The following SLC25A23 variants were observed in gnomAD, a reference collection of about 807,000 sequenced individuals.
SLC25A23 encodes the protein solute carrier family 25 member 23.
A neutral mutation model predicts 53.9 loss-of-function variants in SLC25A23; 32 were observed. The ratio of observed to expected loss-of-function variants is 0.59; its 90% CI spans 0.45 to 0.80. The LOEUF (loss-of-function observed/expected upper bound fraction) is 0.80. Ranked by LOEUF, SLC25A23 falls within the 30% of genes least tolerant of loss-of-function variation. The pLI is 0.00. For synonymous variants in SLC25A23, 275 were observed against 264.5 expected, an observed-to-expected ratio of 1.04 and a Z score of -0.38; for missense variants, 575 against 651.4, an observed-to-expected ratio of 0.88 and a Z score of 1.28.
intron 8 of SLC25A23, among the ~76,000 whole-genome samples, chr19:6,451,787 G>C (rs555369685): frequency 6.6e-6 from 1 of 151,728 alleles, no homozygotes; most frequent in African/African-American, 2.4e-5. Flanking sequence ...TCTGATACTT[G>C]CTTCGGGGAA....
Position 6,456,358 on chromosome 19 carries a change from A to G in SLC25A23, c.483+62T>C, listed in dbSNP as rs531744730. ...CCCATCCAAGCCCTGGGGAGATCGG[A>G]GCAAGGCCCCCCTGGGGAAGAGGGC... is the stretch of plus-strand genomic sequence containing the variant. On this transcript the variant is annotated intron_variant, in intron 4 of 9. Coordinates refer to ENST00000301454, the MANE Select transcript of SLC25A23 (RefSeq NM_024103.3). The G allele has an allele frequency of 1.6e-4, 237 of 1,525,026 alleles. 1 individual carries two copies. In the African/African-American group the frequency reaches 2.9e-3, roughly 19 times the overall value. 94.5% of individuals were successfully genotyped at this position (1,525,026 alleles called of 1,614,324 possible). A position where few individuals can be genotyped will look rare whatever the true frequency, so the allele number is the denominator to read the frequency against.
intron 9 of SLC25A23, chr19:6,443,728 G>A: frequency 1.5e-6 from 1 of 668,476 alleles, no homozygotes; most frequent in Admixed American, 2.3e-5. Context: ...CAGGGAGAAT[G>A]GGAGGGTAGT....
In SLC25A23 at chr19:6,444,146, C is replaced by T; in HGVS notation, c.1222+5G>A. The T allele has an allele frequency of 6.4e-7, 1 of 1,569,546 alleles. No homozygotes were observed. Among genetic ancestry groups the T allele is most frequent in the Non-Finnish European group, 8.7e-7 (1 of 1,153,830 alleles). ...CCCTGCCCCATCCTCCCGCCCAGGC[C>T]TCACCTTGTGCCTGCATGCGGGTCC... On this transcript the variant is annotated splice_donor_5th_base_variant and intron_variant, in intron 9 of 9. Coordinates refer to ENST00000301454, the MANE Select transcript of SLC25A23 (RefSeq NM_024103.3).
rs2092641091 is a variant in SLC25A23, at chr19:6,454,287, T to C, written c.795+36A>G. ...TCTTTATGTACAGCCCAGTCTTCCCTATGGCAAGCACATTCCTCCCTGTAC... is the reference window on the plus strand; with the variant it reads ...TCTTTATGTACAGCCCAGTCTTCCCCATGGCAAGCACATTCCTCCCTGTAC... On this transcript the variant is annotated intron_variant, in intron 6 of 9. Coordinates refer to ENST00000301454, the MANE Select transcript of SLC25A23 (RefSeq NM_024103.3). The surrounding 1 kb of genome is among the most constrained non-coding windows in gnomAD (Gnocchi z 4.3). 3.8e-6 allele frequency: 6 copies of C among 1,598,504 alleles called. No homozygotes were observed. The South Asian group carries it at 6.7e-5, about 18-fold the overall frequency.
chr19:6,455,721 T>G (rs1382272234), intron 4 of SLC25A23, among the ~76,000 whole-genome samples: 2 of 39,234 alleles, frequency 5.1e-5, no homozygotes, highest in African/African-American at 1.3e-4. Flanking sequence ...TTTTTTTTTT[T>G]TTTTTTTTTT....
At chr19:6,452,981 C>A (rs1298375348) in intron 7 of SLC25A23, among the ~76,000 whole-genome samples, 1 of 152,086 alleles carries the variant, frequency 6.6e-6, no homozygotes, top group Non-Finnish European at 1.5e-5. Flanking sequence ...TATGTCCTAG[C>A]CAAAGAAATA....
rs753939864 is a variant in SLC25A23 at position 6,454,512 on chromosome 19, A to G, written c.643-37T>C. The G allele has an allele frequency of 8.7e-6, 14 of 1,613,348 alleles. No individual in the cohort carries two copies. Among genetic ancestry groups the G allele is most frequent in the Non-Finnish European group, 4.2e-6 (5 of 1,179,722 alleles). ...GACAACAGCTTGGAGGTCCCCTCCCAGGTGTCAGGCCTGGGGGAGGGGGCA... is the reference window on the plus strand; with the variant it reads ...GACAACAGCTTGGAGGTCCCCTCCCGGGTGTCAGGCCTGGGGGAGGGGGCA... On this transcript the variant is annotated intron_variant, in intron 5 of 9. Transcript: ENST00000301454. The surrounding 1 kb of genome is among the most constrained non-coding windows in gnomAD (Gnocchi z 4.3).
intron 4 of SLC25A23, chr19:6,456,074 A>G (rs2092678575): frequency 7.4e-7 from 1 of 1,357,042 alleles, no homozygotes; most frequent in Non-Finnish European, 9.7e-7. Context: ...ATCCAGGCAG[A>G]GAACCCAGCA....
chr19:6,449,942 C>G (rs545439248), intron 8 of SLC25A23, among the ~76,000 whole-genome samples: 12 of 150,076 alleles, frequency 8.0e-5, no homozygotes, highest in Non-Finnish European at 1.5e-5. Context: ...AACCCCCATG[C>G]CCCGCCCTGG....
At chr19:6,437,910 CA>C (rs1222700150), downstream of SLC25A23, among the ~76,000 whole-genome samples, 2,765 of 118,260 alleles carry the variant, frequency 0.023, 41 homozygotes, top group South Asian at 0.041. Context: ...ACTAAAAATA[CA>C]AAAAAAAAAA....
intron 7 of SLC25A23, chr19:6,452,684 A>G (rs1357880886): frequency 7.5e-6 from 4 of 530,522 alleles, no homozygotes; most frequent in Non-Finnish European, 1.3e-5. Flanking sequence ...CACATGTGGC[A>G]CCACCAGTAA....
At chr19:6,456,703 G>A (rs1250603200) in intron 3 of SLC25A23, among the ~76,000 whole-genome samples, 172 bp from the exon 4 acceptor site, 3 of 151,580 alleles carry the variant, frequency 2.0e-5, no homozygotes, top group East Asian at 3.8e-4. Context: ...TTTTTGAGAC[G>A]GAGTCTTGCT....
At chr19:6,458,515 C>T (rs529458864) in intron 1 of SLC25A23, among the ~76,000 whole-genome samples, 191 bp from the exon 2 acceptor site, 8 of 152,234 alleles carry the variant, frequency 5.3e-5, no homozygotes, top group East Asian at 3.9e-4. Context: ...CAGGTCTGTG[C>T]GGTGGGTGTG....
At chr19:6,444,918 C>T (rs1323681457) in intron 8 of SLC25A23, among the ~76,000 whole-genome samples, 5 of 152,186 alleles carry the variant, frequency 3.3e-5, no homozygotes, top group Non-Finnish European at 7.3e-5. Flanking sequence ...CCGCCTGCCT[C>T]AGCCTCTCAA....
rs2092682371 is a variant in SLC25A23, at chr19:6,456,366, C to T, written c.483+54G>A. ...AGCCCTGGGGAGATCGGAGCAAGGC[C>T]CCCCTGGGGAAGAGGGCACAGCCTT... On this transcript the variant is annotated intron_variant, in intron 4 of 9. Transcript: ENST00000301454. 4.5e-6 allele frequency: 7 copies of T among 1,553,436 alleles called. No individual in the cohort carries two copies. In the African/African-American group the frequency reaches 6.8e-5, roughly 15 times the overall value.
chr19:6,455,919 C>T (rs545966846), intron 4 of SLC25A23: 1 of 819,464 alleles, frequency 1.2e-6, no homozygotes, highest in Non-Finnish European at 1.7e-6. Flanking sequence ...CGGGGTTTCA[C>T]CATGTTAGCC....
Position 6,444,157 on chromosome 19 carries a change from C to G in SLC25A23, c.1216G>C (p.Ala406Pro). Residue 406 changes from alanine (A) to proline (P), a missense_variant, in exon 9 of 10, where the codon GCA becomes CCA. By Grantham distance (27) the Ala-to-Pro change is conservative. Coordinates refer to ENST00000301454, the MANE Select transcript of SLC25A23 (RefSeq NM_024103.3). ...PLALVRTRMQ[A>P]QASIEGGPQL... ...CCTCCCGCCCAGGCCTCACCTTGTG[C>G]CTGCATGCGGGTCCGGACCAGGGCC... 3 of 1,580,626 alleles carry G rather than the reference C, an allele frequency of 1.9e-6. No individual in the cohort carries two copies. Among genetic ancestry groups the G allele is most frequent in the Non-Finnish European group, 2.6e-6 (3 of 1,160,864 alleles).
intron 4 of SLC25A23, chr19:6,455,842 C>A: frequency 2.8e-6 from 1 of 362,954 alleles, no homozygotes; most frequent in Non-Finnish European, 5.2e-6. Flanking sequence ...CCTTAGCCTT[C>A]CTAGTAGCTG....
rs2092413077 is a variant in SLC25A23 at position 6,440,975 on chromosome 19, AG to A, written c.*999del. The A allele has an allele frequency of 6.6e-6, 1 of 152,136 alleles. No homozygotes were observed. Among genetic ancestry groups the A allele is most frequent in the African/African-American group, 2.4e-5 (1 of 41,424 alleles). The allele number at this position is 152,136 out of a possible 1,614,324, so 9.4% of individuals were successfully genotyped here. On this transcript the variant is annotated 3_prime_UTR_variant, in exon 10 of 10. Coordinates refer to ENST00000301454, the MANE Select transcript of SLC25A23 (RefSeq NM_024103.3). ...TTCAAGAGATGAGGTTTCAACATTGAGGGACTGGGCAGAGGGATTGGGGACC... is the reference window on the plus strand; with the variant it reads ...TTCAAGAGATGAGGTTTCAACATTGAGGACTGGGCAGAGGGATTGGGGACC...
Sources: allele counts gnomAD v4.1 joint callset (sites outside exome capture counted in the v4.1 genomes callset), GRCh38; gene constraint gnomAD v4.1.1; non-coding constraint Gnocchi (gnomAD v3.1); transcripts MANE v1.5; gene names NCBI Gene and HGNC (gene_info 2026-07-23, HGNC 2026-07-21).